MBNL1: variants seen among roughly 807,000 people sequenced by gnomAD.
MBNL1 encodes the protein muscleblind like splicing regulator 1.
Under a neutral mutation model 42.2 loss-of-function variants are expected in MBNL1, and 8 were observed. The ratio of observed to expected loss-of-function variants is 0.19; its 90% CI spans 0.11 to 0.34. The LOEUF is 0.34. MBNL1 is among the 10% of genes least tolerant of loss of function. The pLI, the probability that MBNL1 is intolerant of heterozygous loss-of-function variation, is 1.00. For synonymous variants in MBNL1, 169 were observed against 173.9 expected (o/e 0.97, Z 0.22); for missense variants, 309 against 495.3 (o/e 0.62, Z 3.57).
chr3:152,412,262 A>G (rs2098598141), intron 2 of MBNL1, among the ~76,000 whole-genome samples: 1 of 150,024 alleles, frequency 6.7e-6, no homozygotes, highest in African/African-American at 2.5e-5. Flanking sequence ...TCATTTGCAG[A>G]CATTATTCTC....
At chr3:152,254,395 G>A (rs1390527462) in intron 2 of MBNL1, among the ~76,000 whole-genome samples, 1 of 151,936 alleles carries the variant, frequency 6.6e-6, no homozygotes, top group Non-Finnish European at 1.5e-5. Context: ...CCCTTGTCCT[G>A]CCTTGCCCTC....
At chr3:152,330,020 T>C (rs956674403) in intron 2 of MBNL1, among the ~76,000 whole-genome samples, 3 of 152,044 alleles carry the variant, frequency 2.0e-5, no homozygotes, top group Non-Finnish European at 4.4e-5. Context: ...GTAAACATTG[T>C]GTGTATGTTC....
chr3:152,304,222 A>AT (rs1309428981), intron 2 of MBNL1, among the ~76,000 whole-genome samples: 1 of 152,214 alleles, frequency 6.6e-6, no homozygotes, highest in African/African-American at 2.4e-5. Context: ...AGATGGTCAC[A>AT]TATGGATTGG....
At chr3:152,379,797 A>G (rs1472866755) in intron 2 of MBNL1, among the ~76,000 whole-genome samples, 1 of 152,080 alleles carries the variant, frequency 6.6e-6, no homozygotes, top group Non-Finnish European at 1.5e-5. Flanking sequence ...AAAGATTCAG[A>G]TGAACAATGA....
At chr3:152,339,999 C>G (rs1231087158) in intron 2 of MBNL1, 1 of 152,236 alleles carries the variant, frequency 6.6e-6, no homozygotes, top group Non-Finnish European at 1.5e-5. Context: ...TGAGATTTTA[C>G]CTATAGACAC....
chr3:152,300,003 A>C lies in MBNL1; in HGVS notation c.-191A>C. On this transcript the variant is annotated 5_prime_UTR_variant, in exon 2 of 10. Coordinates refer to ENST00000324210, the MANE Select transcript of MBNL1 (RefSeq NM_021038.5). ...TAACAGTTTCATGCTGTGAATTTCT[A>C]GTGGGAGATCTTTTCCTTGATATTG... 1.9e-6 allele frequency: 1 copy of C among 517,178 alleles called. No individual in the cohort carries two copies. The highest frequency in any genetic ancestry group is 3.4e-6 in the Non-Finnish European group (1 of 294,094). 32.0% of individuals were successfully genotyped at this position (517,178 alleles called of 1,614,324 possible).
intron 2 of MBNL1, among the ~76,000 whole-genome samples, chr3:152,408,414 C>T (rs544767297): frequency 6.6e-6 from 1 of 151,998 alleles, no homozygotes; most frequent in South Asian, 2.1e-4. Flanking sequence ...GCTATAAAAG[C>T]TCTTAAGAGT....
intron 3 of MBNL1, among the ~76,000 whole-genome samples, chr3:152,425,311 A>ATCG (rs1377943496): frequency 6.6e-6 from 1 of 152,138 alleles, no homozygotes; most frequent in Non-Finnish European, 1.5e-5. Flanking sequence ...AAAGCTCATC[A>ATCG]TCGGTGGTCA....
intron 5 of MBNL1, 101 bp from the exon 6 acceptor site, chr3:152,447,519 G>T: frequency 5.5e-6 from 4 of 724,808 alleles, no homozygotes; most frequent in South Asian, 2.6e-5. Flanking sequence ...TCTGCTGCTT[G>T]CTTGCTCATG....
intron 2 of MBNL1, among the ~76,000 whole-genome samples, chr3:152,353,765 G>A (rs1482454057): frequency 6.7e-6 from 1 of 149,562 alleles, no homozygotes; most frequent in African/African-American, 2.5e-5. Flanking sequence ...TCAAAATCTG[G>A]CATGCAAATT....
chr3:152,284,941 A>G (rs948734650), intron 1 of MBNL1, among the ~76,000 whole-genome samples: 1 of 152,130 alleles, frequency 6.6e-6, no homozygotes, highest in African/African-American at 2.4e-5. Context: ...AGAACTTCAT[A>G]ATCTATTCAA....
chr3:152,431,222 T>C (rs971049869), intron 3 of MBNL1, among the ~76,000 whole-genome samples: 1 of 152,134 alleles, frequency 6.6e-6, no homozygotes, highest in Non-Finnish European at 1.5e-5. Flanking sequence ...ATCCCTGGCG[T>C]CCATCCATTG....
chr3:152,281,233 T>C (rs1320477822), intron 1 of MBNL1, among the ~76,000 whole-genome samples: 1 of 152,112 alleles, frequency 6.6e-6, no homozygotes, highest in Non-Finnish European at 1.5e-5. Flanking sequence ...GGGGATTTGC[T>C]CAAGGGTCAT....
At chr3:152,342,031 C>T (rs2093349769) in intron 2 of MBNL1, among the ~76,000 whole-genome samples, 2 of 152,112 alleles carry the variant, frequency 1.3e-5, no homozygotes, top group Admixed American at 6.6e-5. Context: ...CACAAAAACA[C>T]CTTGAGGTGT....
At chr3:152,317,693 T>C (rs1349793609) in intron 2 of MBNL1, among the ~76,000 whole-genome samples, 7 of 152,198 alleles carry the variant, frequency 4.6e-5, no homozygotes, top group Admixed American at 4.6e-4. Context: ...ATCTTCTCTT[T>C]GAATTTCTAA....
chr3:152,284,886 C>T (rs114478720), intron 1 of MBNL1, among the ~76,000 whole-genome samples: 484 of 152,212 alleles, frequency 3.2e-3, no homozygotes, highest in African/African-American at 0.011. Flanking sequence ...GCTCAAAGAC[C>T]ACTTCCTTGA....
In MBNL1 at chr3:152,393,820, G is replaced by T. The variant is rs116686206; in HGVS notation, c.175-21121G>T. Among the ~76,000 whole-genome samples, 269 of 152,274 alleles carry T rather than the reference G, an allele frequency of 1.8e-3. 1 individual carries two copies. The highest frequency in any genetic ancestry group is 6.2e-3 in the African/African-American group (257 of 41,548). ...CTGTGCGTGAGCTATAGTTGGCACAGTGAATTTCAGCATTATGTAGTTCAC... is the reference window on the plus strand; with the variant it reads ...CTGTGCGTGAGCTATAGTTGGCACATTGAATTTCAGCATTATGTAGTTCAC... On this transcript the variant is annotated intron_variant, in intron 2 of 9. Transcript: ENST00000324210.
chr3:152,458,148 T>C, intron 8 of MBNL1: 1 of 1,613,988 alleles, frequency 6.2e-7, no homozygotes, highest in Non-Finnish European at 8.5e-7. Flanking sequence ...TTGATGCTTC[T>C]ACACTGTTGG....
In MBNL1 at chr3:152,401,061, A is replaced by T. The variant is rs540790370; in HGVS notation, c.175-13880A>T. On this transcript the variant is annotated intron_variant, in intron 2 of 9. Transcript: ENST00000324210. Reference sequence around the variant, plus strand: ...CTGGGAGTGGAGGCTGGATGTAGGAATTTTTTATTTATAATATACAGTCAT... The same window carrying T: ...CTGGGAGTGGAGGCTGGATGTAGGATTTTTTTATTTATAATATACAGTCAT... Among the ~76,000 whole-genome samples, 15 of 152,240 alleles carry T rather than the reference A, an allele frequency of 9.9e-5. No homozygotes were observed. In the South Asian group the frequency reaches 3.1e-3, roughly 32 times the overall value.
Sources: gnomAD v4.1 joint callset for allele counts (sites outside exome capture counted in the v4.1 genomes callset) on GRCh38, gnomAD v4.1.1 for gene constraint, MANE v1.5 for transcripts, NCBI Gene and HGNC (gene_info 2026-07-23, HGNC 2026-07-21) for gene names.